The following SLCO2A1 variants were observed in gnomAD, a reference collection of about 807,000 sequenced individuals.
SLCO2A1 encodes the protein solute carrier organic anion transporter family member 2A1.
SLCO2A1 carries 60 observed loss-of-function variants against 71.7 expected under a neutral mutation model. The ratio of observed to expected loss-of-function variants is 0.84; its 90% CI spans 0.68 to 1.04. The LOEUF is 1.04. SLCO2A1 is among the 50% of genes least tolerant of loss of function. SLCO2A1 has a pLI of 0.00. For missense variants in SLCO2A1, 745 were observed against 813.4 expected (o/e 0.92, Z 1.02); for synonymous variants, 308 against 326.7 (o/e 0.94, Z 0.62).
intron 1 of SLCO2A1, among the ~76,000 whole-genome samples, chr3:133,985,341 A>G (rs1326988135): frequency 6.6e-6 from 1 of 152,220 alleles, no homozygotes; most frequent in Non-Finnish European, 1.5e-5. Flanking sequence ...TTCTTTAACT[A>G]TGTAACTCCG....
At chr3:133,960,308 TATTA>T in intron 3 of SLCO2A1, among the ~76,000 whole-genome samples, 1 of 152,254 alleles carries the variant, frequency 6.6e-6, no homozygotes, top group African/African-American at 2.4e-5. Context: ...ACAGCCCAAA[TATTA>T]ATCAACAGAT....
chr3:133,968,064 C>G (rs73217296), intron 3 of SLCO2A1, among the ~76,000 whole-genome samples: 14,775 of 134,936 alleles, frequency 0.11, 1,230 homozygotes, highest in East Asian at 0.38. Context: ...CCACCTCTTC[C>G]CTCACACCTT....
intron 3 of SLCO2A1, 66 bp downstream of exon 3, chr3:133,973,597 C>G: frequency 6.4e-7 from 1 of 1,550,764 alleles, no homozygotes; most frequent in Non-Finnish European, 8.8e-7. Context: ...TAGGAGTATC[C>G]CCACTAACTT....
chr3:134,021,675 GAAGAA>G (rs1559961353), intron 1 of SLCO2A1, among the ~76,000 whole-genome samples: 1 of 151,680 alleles, frequency 6.6e-6, no homozygotes, highest in African/African-American at 2.4e-5. Context: ...CAGTGAAAGA[GAAGAA>G]GAGACAGAGG....
chr3:133,954,024 A>G (rs931157400), intron 4 of SLCO2A1, among the ~76,000 whole-genome samples: 8 of 152,170 alleles, frequency 5.3e-5, no homozygotes, highest in African/African-American at 1.9e-4. Context: ...GCATTTAAAA[A>G]TGCCAGGTGA....
chr3:133,935,817 G>T lies in SLCO2A1; in HGVS notation c.1771C>A (p.Arg591=), dbSNP rs768030732. ...TTGTCATAGTAGGCGCAGGCCCCTCGCCTCCCCAAGCACAGCGAGTTCCAC... is the reference window on the plus strand; with the variant it reads ...TTGTCATAGTAGGCGCAGGCCCCTCTCCTCCCCAAGCACAGCGAGTTCCAC... The part of the protein sequence containing the change: ...IRWNSLCLGR[R]GACAYYDNDA... The change falls in exon 13 of 14, where the codon CGA becomes AGA. Residue 591 remains arginine, a synonymous_variant. Transcript: ENST00000310926. 1.9e-6 allele frequency: 3 copies of T among 1,611,134 alleles called. No homozygotes were observed. In the South Asian group the frequency reaches 3.3e-5, roughly 18 times the overall value.
chr3:133,934,883 T>A, intron 13 of SLCO2A1, 53 bp from the exon 14 acceptor site: 1 of 1,438,074 alleles, frequency 7.0e-7, no homozygotes, highest in East Asian at 2.3e-5. Context: ...GCAGCCCACA[T>A]CCCAGGGCCA....
chr3:133,966,289 C>G (rs563006800), intron 3 of SLCO2A1, among the ~76,000 whole-genome samples: 1 of 152,338 alleles, frequency 6.6e-6, no homozygotes, highest in South Asian at 2.1e-4. Context: ...TATTTACTAC[C>G]TGGCCCTTTA....
chr3:134,025,657 G>A (rs1445650998), intron 1 of SLCO2A1, among the ~76,000 whole-genome samples: 2 of 151,210 alleles, frequency 1.3e-5, no homozygotes, highest in African/African-American at 2.4e-5. Context: ...AGGCCACTTC[G>A]ATAAAAAAAA....
chr3:133,994,646 G>A (rs894641813), intron 1 of SLCO2A1, among the ~76,000 whole-genome samples: 2 of 152,236 alleles, frequency 1.3e-5, no homozygotes, highest in African/African-American at 4.8e-5. Context: ...TGGGTGCCCT[G>A]CTCATGCACC....
chr3:134,025,021 C>A (rs1935669561), intron 1 of SLCO2A1, among the ~76,000 whole-genome samples: 1 of 151,986 alleles, frequency 6.6e-6, no homozygotes, highest in Non-Finnish European at 1.5e-5. Context: ...GCTTTGCCAA[C>A]CCCTGCAAAG....
At chr3:134,010,577 C>A (rs1044406266) in intron 1 of SLCO2A1, among the ~76,000 whole-genome samples, 3 of 151,938 alleles carry the variant, frequency 2.0e-5, no homozygotes, top group Non-Finnish European at 4.4e-5. Context: ...CATGGTTAAA[C>A]CCTGTCTCTA....
intron 1 of SLCO2A1, among the ~76,000 whole-genome samples, chr3:133,988,067 G>C (rs931495909): frequency 6.6e-6 from 1 of 152,188 alleles, no homozygotes; most frequent in Non-Finnish European, 1.5e-5. Context: ...ACTGCCCCAA[G>C]CATCTGAATG....
chr3:133,981,974 C>CAAAA (rs34863339), intron 1 of SLCO2A1, among the ~76,000 whole-genome samples: 20 of 109,770 alleles, frequency 1.8e-4, no homozygotes, highest in African/African-American at 6.1e-4. Flanking sequence ...GACTCCGTCT[C>CAAAA]AAAAAAAAAA....
chr3:133,991,934 C>G (rs1192146865), intron 1 of SLCO2A1, among the ~76,000 whole-genome samples: 1 of 152,378 alleles, frequency 6.6e-6, no homozygotes, highest in African/African-American at 2.4e-5. Context: ...AGGACTGGCA[C>G]ATCTGTCCTC....
Position 133,942,695 on chromosome 3 carries a change from G to T in SLCO2A1, c.1535C>A (p.Ala512Asp), listed in dbSNP as rs1576426707. ...AKTGSCPVPC[A>D]HFLLPAIFLI... is the part of the protein sequence containing the mutation. ...GAAGATGGCCGGGAGCAGGAAGTGG[G>T]CACAGGGGACAGGGCACGATCCTGT... is the stretch of plus-strand genomic sequence containing the variant. The change falls in exon 11 of 14, where the codon GCC becomes GAC. Residue 512 changes from alanine (A) to aspartate (D), a missense_variant. Transcript: ENST00000310926. 1 of 1,613,940 alleles carries T rather than the reference G, an allele frequency of 6.2e-7. No individual in the cohort carries two copies. Among genetic ancestry groups the T allele is most frequent in the Non-Finnish European group, 8.5e-7 (1 of 1,179,990 alleles).
chr3:133,953,586 G>T (rs1038417318), intron 5 of SLCO2A1, 77 bp downstream of exon 5: 2 of 1,151,286 alleles, frequency 1.7e-6, no homozygotes, highest in South Asian at 2.5e-5. Flanking sequence ...TTCATTCTCT[G>T]TTCTGATTGG....
chr3:133,978,474 G>A (rs909010827), intron 2 of SLCO2A1, among the ~76,000 whole-genome samples: 12 of 152,296 alleles, frequency 7.9e-5, no homozygotes, highest in African/African-American at 2.9e-4. Flanking sequence ...CAAGGAAGGG[G>A]GAGGGGTGAA....
At chr3:134,014,687 G>T (rs1261213101) in intron 1 of SLCO2A1, among the ~76,000 whole-genome samples, 1 of 152,136 alleles carries the variant, frequency 6.6e-6, no homozygotes, top group African/African-American at 2.4e-5. Context: ...AGAGATCACT[G>T]AGCTCAGGCC....
Sources: gnomAD v4.1 joint callset for allele counts (sites outside exome capture counted in the v4.1 genomes callset) on GRCh38, gnomAD v4.1.1 for gene constraint, MANE v1.5 for transcripts, NCBI Gene and HGNC (gene_info 2026-07-23, HGNC 2026-07-21) for gene names.